The following PKHD1 variants were observed in gnomAD, a reference collection of about 807,000 sequenced individuals.
PKHD1 encodes fibrocystin.
In PKHD1, 291 loss-of-function variants were observed where a neutral mutation model predicts 412.0. The ratio of observed to expected loss-of-function variants is 0.71; its 90% CI spans 0.64 to 0.78. The LOEUF (loss-of-function observed/expected upper bound fraction) is 0.78. PKHD1 is among the 30% of genes least tolerant of loss of function. PKHD1 has a pLI of 0.00. For missense variants in PKHD1, 4,825 were observed against 4,950.7 expected (o/e 0.97, Z 0.76); for synonymous variants, 1,777 against 1,821.5 (o/e 0.98, Z 0.62).
chr6:51,760,766 T>C (rs775880170), intron 55 of PKHD1, among the ~76,000 whole-genome samples: 19 of 152,070 alleles, frequency 1.2e-4, no homozygotes, highest in Non-Finnish European at 2.2e-4. Flanking sequence ...ATATAATCAA[T>C]TATGACATTC....
At chr6:51,926,209 T>G (rs9463741) in intron 37 of PKHD1, among the ~76,000 whole-genome samples, 5,736 of 152,016 alleles carry the variant, frequency 0.038, 390 homozygotes, top group African/African-American at 0.13. Context: ...TCATCTGGAG[T>G]CACAGGACTG....
chr6:51,677,700 G>A (rs1033444081), intron 60 of PKHD1, among the ~76,000 whole-genome samples: 18 of 152,090 alleles, frequency 1.2e-4, no homozygotes, highest in Non-Finnish European at 2.1e-4. Flanking sequence ...TTCTTTCAGG[G>A]AATATCTCAA....
intron 48 of PKHD1, among the ~76,000 whole-genome samples, chr6:51,864,139 A>G (rs546042120): frequency 6.6e-6 from 1 of 152,310 alleles, no homozygotes; most frequent in African/African-American, 2.4e-5. Context: ...TATGAATTGA[A>G]GAGCACAAAT....
chr6:51,780,913 G>A (rs1198224514), intron 53 of PKHD1, among the ~76,000 whole-genome samples: 3 of 152,098 alleles, frequency 2.0e-5, no homozygotes, highest in South Asian at 2.1e-4. Flanking sequence ...TATATAATTT[G>A]TATTTTTATC....
chr6:51,768,819 T>TA (rs1789567067), intron 55 of PKHD1, among the ~76,000 whole-genome samples: 1 of 151,744 alleles, frequency 6.6e-6, no homozygotes, highest in African/African-American at 2.4e-5. Flanking sequence ...TATTATTACT[T>TA]AAACCAGTGC....
intron 52 of PKHD1, among the ~76,000 whole-genome samples, chr6:51,816,651 C>T (rs1582854730): frequency 1.3e-5 from 2 of 152,298 alleles, no homozygotes; most frequent in South Asian, 2.1e-4. Context: ...AGAGTTTCAG[C>T]CAGTCAAAGG....
At chr6:51,899,373 A>G (rs1430041432) in intron 43 of PKHD1, among the ~76,000 whole-genome samples, 1 of 152,046 alleles carries the variant, frequency 6.6e-6, no homozygotes, top group Non-Finnish European at 1.5e-5. Flanking sequence ...TACGCAAATC[A>G]ATAAATGTAA....
intron 10 of PKHD1, among the ~76,000 whole-genome samples, chr6:52,070,051 T>C (rs1375579283): frequency 2.0e-5 from 3 of 152,204 alleles, no homozygotes; most frequent in Non-Finnish European, 4.4e-5. Context: ...ACCCCTTCCA[T>C]TTTCAAGAAG....
At chr6:51,887,766 C>T (rs1247952356) in intron 43 of PKHD1, among the ~76,000 whole-genome samples, 1 of 152,214 alleles carries the variant, frequency 6.6e-6, no homozygotes, top group Non-Finnish European at 1.5e-5. Flanking sequence ...GCCTGCAGAA[C>T]CATGAGCCAA....
chr6:51,812,369 A>G (rs890616402), intron 52 of PKHD1, among the ~76,000 whole-genome samples: 8 of 152,334 alleles, frequency 5.3e-5, no homozygotes, highest in East Asian at 1.9e-4. Flanking sequence ...AACCAACTGA[A>G]TGGATCCTCC....
chr6:51,730,125 T>C (rs1382038590), intron 60 of PKHD1, among the ~76,000 whole-genome samples: 1 of 152,186 alleles, frequency 6.6e-6, no homozygotes. Context: ...TAGTAAGTTG[T>C]TTTTACATTG....
intron 55 of PKHD1, among the ~76,000 whole-genome samples, chr6:51,767,585 T>TA (rs1789314494): frequency 2.6e-5 from 4 of 152,162 alleles, no homozygotes; most frequent in African/African-American, 9.7e-5. Context: ...TGTGTCCTTG[T>TA]GATAGTTTGA....
intron 60 of PKHD1, among the ~76,000 whole-genome samples, chr6:51,736,291 A>G (rs1562194993): frequency 6.6e-6 from 1 of 152,218 alleles, no homozygotes. Context: ...TAGATCACAC[A>G]TGAAAATCAT....
chr6:52,041,400 T>C (rs1804863380), intron 27 of PKHD1, among the ~76,000 whole-genome samples: 1 of 152,188 alleles, frequency 6.6e-6, no homozygotes, highest in Non-Finnish European at 1.5e-5. Flanking sequence ...GTATTACAGA[T>C]ACTGCTTGTC....
chr6:52,002,155 A>G (rs371429659), intron 35 of PKHD1, among the ~76,000 whole-genome samples: 1 of 152,122 alleles, frequency 6.6e-6, no homozygotes, highest in Non-Finnish European at 1.5e-5. Flanking sequence ...TTAGAGTCCA[A>G]GCTCACAACT....
chr6:51,711,896 A>G (rs1485104330), intron 60 of PKHD1, among the ~76,000 whole-genome samples: 1 of 152,220 alleles, frequency 6.6e-6, no homozygotes, highest in Non-Finnish European at 1.5e-5. Flanking sequence ...CACAATGGTT[A>G]GGTATTTTCC....
In PKHD1 at chr6:52,025,573, G is replaced by A. The variant is rs1278858742; in HGVS notation, c.4237C>T (p.Leu1413Phe). ...GGTILTVRGLLLNSRRRSVRV... is the reference protein window; with the variant it reads ...GGTILTVRGLFLNSRRRSVRV... ...ACTGACCTCCTTCTAGAGTTAAGAA[G>A]CAACCCCCTCACAGTAAGTATGGTC... The change falls in exon 32 of 67, where the codon CTT (leucine) becomes TTT (phenylalanine). Residue 1413 changes from leucine to phenylalanine, a missense_variant. By Grantham distance (22) the Leu-to-Phe change is conservative. Coordinates refer to ENST00000371117, the MANE Select transcript of PKHD1 (RefSeq NM_138694.4). 1.2e-6 allele frequency: 2 copies of A among 1,614,162 alleles called. No individual in the cohort carries two copies. Among genetic ancestry groups the A allele is most frequent in the Non-Finnish European group, 1.7e-6 (2 of 1,180,040 alleles).
intron 53 of PKHD1, among the ~76,000 whole-genome samples, chr6:51,781,358 C>T (rs533686211): frequency 3.7e-4 from 57 of 152,260 alleles, no homozygotes; most frequent in African/African-American, 1.4e-3. Context: ...TAGGCATTAT[C>T]AAATTATAAT....
At chr6:51,644,924 C>T (rs970558512) in intron 63 of PKHD1, among the ~76,000 whole-genome samples, 6 of 152,078 alleles carry the variant, frequency 3.9e-5, no homozygotes, top group South Asian at 2.1e-4. Context: ...GTGATCTGCC[C>T]GCCTTGGCCT....
Sources: gnomAD v4.1 joint callset for allele counts (sites outside exome capture counted in the v4.1 genomes callset) on GRCh38, gnomAD v4.1.1 for gene constraint, MANE v1.5 for transcripts, NCBI Gene and HGNC (gene_info 2026-07-23, HGNC 2026-07-21) for gene names.